Variants in ZBBX observed in about 807,000 individuals in gnomAD.
ZBBX encodes zinc finger B-box domain-containing protein 1.
A neutral mutation model predicts 108.5 loss-of-function variants in ZBBX; 101 were observed. That is an observed-to-expected ratio of 0.93 (90% confidence interval 0.79 to 1.10). ZBBX has a LOEUF of 1.10. Among genes scored for constraint, ZBBX ranks in the 50% least tolerant of loss-of-function variants. The pLI is 0.00. For missense variants in ZBBX, 1,009 were observed against 941.4 expected (o/e 1.07, Z -0.94); for synonymous variants, 356 against 323.4 (o/e 1.10, Z -1.08).
At chr3:167,198,021 A>T in the ZBBX span, among the ~76,000 whole-genome samples, 1 of 152,214 alleles carries the variant, frequency 6.6e-6, no homozygotes, top group African/African-American at 2.4e-5. Context: ...TCAACAATGA[A>T]GAAATTATTT....
chr3:167,378,948 A>G (rs116640172), intron 2 of ZBBX, among the ~76,000 whole-genome samples: 2,737 of 152,276 alleles, frequency 0.018, 68 homozygotes, highest in African/African-American at 0.062. Flanking sequence ...TTGTTTATAT[A>G]GATTTTGTTT....
At chr3:167,234,238 T>G in the ZBBX span, among the ~76,000 whole-genome samples, 9 of 151,894 alleles carry the variant, frequency 5.9e-5, no homozygotes, top group Non-Finnish European at 1.0e-4. Context: ...TATTTTATAT[T>G]TGTTCTCTAT....
intron 1 of ZBBX, among the ~76,000 whole-genome samples, chr3:167,396,735 G>T (rs911725204): frequency 6.6e-6 from 1 of 151,896 alleles, no homozygotes; most frequent in Non-Finnish European, 1.5e-5. Context: ...ATGAACATTT[G>T]AATTGAACAA....
chr3:167,321,091 G>A (rs1407265057), intron 12 of ZBBX, among the ~76,000 whole-genome samples: 2 of 151,960 alleles, frequency 1.3e-5, no homozygotes, highest in Non-Finnish European at 2.9e-5. Flanking sequence ...CTATGTTTAT[G>A]TAAGATGTTA....
intron 16 of ZBBX, among the ~76,000 whole-genome samples, chr3:167,313,517 A>C (rs890430431): frequency 1.3e-5 from 2 of 152,094 alleles, no homozygotes; most frequent in African/African-American, 4.8e-5. Context: ...TCCTGACTTC[A>C]GGTGATCCAC....
At chr3:167,227,593 T>C in the ZBBX span, among the ~76,000 whole-genome samples, 3 of 151,752 alleles carry the variant, frequency 2.0e-5, no homozygotes, top group African/African-American at 4.8e-5. Flanking sequence ...AACATTTTCA[T>C]ACGTGGTCAC....
At chr3:167,204,244 T>G in the ZBBX span, among the ~76,000 whole-genome samples, 1 of 34,506 alleles carries the variant, frequency 2.9e-5, no homozygotes, top group Non-Finnish European at 6.7e-5. Context: ...TTTTCTTTTC[T>G]TTTTTTTTTA....
At chr3:167,274,444 T>A (rs1727109511) in intron 20 of ZBBX, among the ~76,000 whole-genome samples, 1 of 152,136 alleles carries the variant, frequency 6.6e-6, no homozygotes, top group South Asian at 2.1e-4. Context: ...AAGACCAAGT[T>A]GAACAGCAAA....
At chr3:167,191,033 C>A in the ZBBX span, among the ~76,000 whole-genome samples, 1 of 152,188 alleles carries the variant, frequency 6.6e-6, no homozygotes, top group African/African-American at 2.4e-5. Flanking sequence ...TGGTTCCATC[C>A]TGAAAGGGCA....
At chr3:167,333,756 T>A in intron 10 of ZBBX, 71 bp downstream of exon 10, 1 of 1,307,364 alleles carries the variant, frequency 7.6e-7, no homozygotes, top group East Asian at 2.5e-5. Flanking sequence ...ATAGCTCAAG[T>A]TAAGTACATG....
At chr3:167,369,715 G>A (rs1275479101) in intron 4 of ZBBX, among the ~76,000 whole-genome samples, 1 of 152,096 alleles carries the variant, frequency 6.6e-6, no homozygotes, top group African/African-American at 2.4e-5. Flanking sequence ...GGAAGTACAG[G>A]GGGCTACCTG....
intron 6 of ZBBX, 31 bp downstream of exon 6, chr3:167,365,855 A>T: frequency 6.6e-7 from 1 of 1,512,296 alleles, no homozygotes; most frequent in Non-Finnish European, 9.1e-7. Flanking sequence ...TGCTTAGCAA[A>T]ATGCATAAGA....
intron 11 of ZBBX, 38 bp from the exon 12 acceptor site, chr3:167,322,275 C>G: frequency 7.1e-7 from 1 of 1,412,074 alleles, no homozygotes; most frequent in Non-Finnish European, 9.3e-7. Context: ...TTAAAATAAG[C>G]AAGTTTACAA....
intron 5 of ZBBX, 152 bp from the exon 6 acceptor site, chr3:167,366,128 T>C (rs996592828): frequency 2.0e-6 from 1 of 504,310 alleles, no homozygotes; most frequent in Admixed American, 3.5e-5. Flanking sequence ...ATCAATAATG[T>C]CACAATATCC....
At chr3:167,405,758 A>G (rs1457042265) in intron 1 of ZBBX, among the ~76,000 whole-genome samples, 1 of 152,188 alleles carries the variant, frequency 6.6e-6, no homozygotes, top group East Asian at 1.9e-4. Flanking sequence ...GAAAGAAGCA[A>G]TAGGTACTCT....
At chr3:167,201,005 G>T in the ZBBX span, among the ~76,000 whole-genome samples, 2,011 of 152,220 alleles carry the variant, frequency 0.013, 52 homozygotes, top group African/African-American at 0.046. Context: ...GGCATCATGA[G>T]CCTGGGTAAG....
At chr3:167,247,674 A>G (rs1576765535) in intron 20 of ZBBX, among the ~76,000 whole-genome samples, 1 of 152,152 alleles carries the variant, frequency 6.6e-6, no homozygotes, top group Admixed American at 6.5e-5. Context: ...TTAAGTGTCT[A>G]TCTGTATGAT....
At chr3:167,233,026 A>C in the ZBBX span, among the ~76,000 whole-genome samples, 2,026 of 151,796 alleles carry the variant, frequency 0.013, 22 homozygotes, top group South Asian at 0.026. Flanking sequence ...CATCCACCTT[A>C]AGGCTTAGCA....
chr3:167,390,050 C>T (rs575391542), intron 1 of ZBBX, among the ~76,000 whole-genome samples: 7 of 152,094 alleles, frequency 4.6e-5, no homozygotes, highest in Non-Finnish European at 1.0e-4. Flanking sequence ...ATGCCTATGT[C>T]GTGAATGGTA....
Sources: allele counts gnomAD v4.1 joint callset (sites outside exome capture counted in the v4.1 genomes callset), GRCh38; gene constraint gnomAD v4.1.1; transcripts MANE v1.5; gene names NCBI Gene and HGNC (gene_info 2026-07-23, HGNC 2026-07-21).